The following GSE1 variants were observed in gnomAD, a reference collection of about 807,000 sequenced individuals.
GSE1 encodes the protein Gse1 coiled-coil protein.
Under a neutral mutation model 112.6 loss-of-function variants are expected in GSE1, and 32 were observed. That is an observed-to-expected ratio of 0.28 (90% CI 0.21 to 0.38). The LOEUF (loss-of-function observed/expected upper bound fraction) is 0.38, where lower values mean the gene tolerates loss of function less well. Ranked by LOEUF, GSE1 falls within the 10% of genes least tolerant of loss-of-function variation. The pLI is 1.00. For missense variants in GSE1, 2,348 were observed against 1,699.2 expected, an observed-to-expected ratio of 1.38 and a Z score of -6.71; for synonymous variants, 1,115 against 735.6, an observed-to-expected ratio of 1.52 and a Z score of -8.35.
intron 2 of GSE1, among the ~76,000 whole-genome samples, chr16:85,366,469 A>G (rs1218801827): frequency 6.6e-6 from 1 of 152,236 alleles, no homozygotes; most frequent in African/African-American, 2.4e-5. Context: ...ACTTCTTGTA[A>G]TGCCGGGAGT....
At position 85,419,212 on chromosome 16, in the gene GSE1, A is replaced by T. The variant is rs941299688; in HGVS notation, c.2464+61569A>T. ...AGAGGCTGCCTTAGTCTCTGCAGGG[A>T]CAGCAGTGAGGGTGCCCGGGCCCTG... On this transcript the variant is annotated intron_variant, in intron 2 of 2. Coordinates refer to the GSE1 transcript ENST00000637419. The surrounding 1 kb of genome is among the most constrained non-coding windows in gnomAD (Gnocchi z 6.5). Among the ~76,000 whole-genome samples, 4 of 152,194 alleles carry T rather than the reference A, an allele frequency of 2.6e-5. No individual in the cohort carries two copies. The highest frequency in any genetic ancestry group is 9.7e-5 in the African/African-American group (4 of 41,438).
In GSE1 at chr16:85,548,358, C is replaced by CT. The variant is rs879328118; in HGVS notation, c.2465-85544dup. 1.0e-3 allele frequency among the ~76,000 whole-genome samples: 151 copies of CT among 144,438 alleles called. 1 individual carries two copies. Among genetic ancestry groups the CT allele is most frequent in the African/African-American group, 1.9e-3 (76 of 39,542 alleles). 94.8% of individuals were successfully genotyped at this position (144,438 alleles called of 152,430 possible). On this transcript the variant is annotated intron_variant, in intron 2 of 2. Coordinates refer to the GSE1 transcript ENST00000637419. ...ACTGATCTATAGAACACTAGGTCTTCTTTTTTTTTTTTAAACTAGGTCTTA... is the reference window on the plus strand; with the variant it reads ...ACTGATCTATAGAACACTAGGTCTTCTTTTTTTTTTTTTAAACTAGGTCTTA...
At chr16:85,274,137 G>C (rs559205165) in intron 1 of GSE1, among the ~76,000 whole-genome samples, 1 of 150,280 alleles carries the variant, frequency 6.7e-6, no homozygotes, top group Non-Finnish European at 1.5e-5. Flanking sequence ...TGTAATCCCA[G>C]CACTTCGGGA....
chr16:85,612,953 C>T (rs1174820913), upstream of GSE1, among the ~76,000 whole-genome samples: 1 of 152,178 alleles, frequency 6.6e-6, no homozygotes, highest in Non-Finnish European at 1.5e-5. Context: ...CCACCAAGGT[C>T]CCCGGGACCC....
At chr16:85,266,135 C>A (rs1224713599) in intron 1 of GSE1, among the ~76,000 whole-genome samples, 1 of 152,106 alleles carries the variant, frequency 6.6e-6, no homozygotes, top group Non-Finnish European at 1.5e-5. Context: ...GGGGGAGCGC[C>A]CCACCCCACC....
rs185133056 is a variant in GSE1, at chr16:85,226,649, T to C, written c.2283+54842T>C. Among the ~76,000 whole-genome samples the C allele has an allele frequency of 3.3e-5, 5 of 152,216 alleles. No individual in the cohort carries two copies. The East Asian group carries it at 9.7e-4, about 29-fold the overall frequency. On this transcript the variant is annotated intron_variant, in intron 1 of 2. Transcript: ENST00000637419. ...GTGCTGTTGTGAGGTTTAGATAGAA[T>C]GGAGTCTGCACAGGGGGCTCGGCAT...
chr16:85,397,869 G>T (rs1290771823), intron 2 of GSE1, among the ~76,000 whole-genome samples: 4 of 152,234 alleles, frequency 2.6e-5, no homozygotes, highest in South Asian at 2.1e-4. Flanking sequence ...ATAGAAGGAG[G>T]TGTGAGGCTT....
At chr16:85,591,769 G>A (rs961452154) in intron 1 of GSE1, among the ~76,000 whole-genome samples, 1 of 152,248 alleles carries the variant, frequency 6.6e-6, no homozygotes, top group African/African-American at 2.4e-5. Flanking sequence ...TCCATAAATG[G>A]ACAGCCAGGG....
intron 2 of GSE1, among the ~76,000 whole-genome samples, chr16:85,525,018 C>T (rs956078843): frequency 9.2e-5 from 14 of 152,326 alleles, no homozygotes; most frequent in African/African-American, 2.9e-4. Context: ...TGGGGTGATC[C>T]GGCCGTCTCA....
chr16:85,556,651 G>T (rs1049846265), intron 1 of GSE1, among the ~76,000 whole-genome samples: 41 of 150,918 alleles, frequency 2.7e-4, no homozygotes, highest in African/African-American at 9.9e-4. Flanking sequence ...CTCCGCCGCG[G>T]CGGCGGAGCG....
At chr16:85,524,949 G>C (rs926537211) in intron 2 of GSE1, among the ~76,000 whole-genome samples, 1 of 152,158 alleles carries the variant, frequency 6.6e-6, no homozygotes, top group Non-Finnish European at 1.5e-5. Context: ...GATTAAACAT[G>C]AATGAGTGAG....
At chr16:85,182,381 C>T (rs2074606409) in intron 1 of GSE1, among the ~76,000 whole-genome samples, 1 of 152,220 alleles carries the variant, frequency 6.6e-6, no homozygotes, top group South Asian at 2.1e-4. Flanking sequence ...CTTCAGGTGG[C>T]CTCACGTGTG....
At chr16:85,339,622 AG>A (rs1017998592) in intron 1 of GSE1, among the ~76,000 whole-genome samples, 1 of 12,530 alleles carries the variant, frequency 8.0e-5, no homozygotes, top group East Asian at 2.1e-3. Flanking sequence ...GCGGAGGGGG[AG>A]GGGGGCAGAG....
intron 1 of GSE1, among the ~76,000 whole-genome samples, chr16:85,625,823 C>T (rs551652344): frequency 9.9e-5 from 15 of 152,222 alleles, no homozygotes; most frequent in Middle Eastern, 3.4e-3. Context: ...CGTGGTTGAC[C>T]GGGGCCCTGG....
intron 2 of GSE1, among the ~76,000 whole-genome samples, chr16:85,641,663 T>C (rs770330309): frequency 1.3e-4 from 20 of 152,346 alleles, no homozygotes; most frequent in Middle Eastern, 3.4e-3. Context: ...TTGTCACTTG[T>C]GCGATGGGGA....
intron 2 of GSE1, among the ~76,000 whole-genome samples, chr16:85,459,018 C>T (rs1038633323): frequency 8.5e-5 from 13 of 152,208 alleles, no homozygotes; most frequent in East Asian, 3.9e-4. Context: ...CGCTTTCGCT[C>T]CTGCCACCCT....
At chr16:85,608,747 G>T (rs185726312), upstream of GSE1, among the ~76,000 whole-genome samples, 71 of 152,352 alleles carry the variant, frequency 4.7e-4, no homozygotes, top group African/African-American at 1.7e-3. Flanking sequence ...AGTGACATGC[G>T]CTGAGCAGCG....
intron 2 of GSE1, among the ~76,000 whole-genome samples, chr16:85,418,945 G>A (rs960278849): frequency 6.6e-6 from 1 of 152,198 alleles, no homozygotes. Flanking sequence ...TGGAAGGTTA[G>A]TGTTGCCAGG....
intron 1 of GSE1, among the ~76,000 whole-genome samples, chr16:85,235,978 C>CTGGGCT (rs1904604705): frequency 6.6e-6 from 1 of 151,862 alleles, no homozygotes; most frequent in Admixed American, 6.6e-5. Context: ...GGCGCCGGGC[C>CTGGGCT]TGGGCCTGGG....
Sources: allele counts gnomAD v4.1 joint callset (sites outside exome capture counted in the v4.1 genomes callset), GRCh38; gene constraint gnomAD v4.1.1; non-coding constraint Gnocchi (gnomAD v3.1); transcripts MANE v1.5; gene names NCBI Gene and HGNC (gene_info 2026-07-23, HGNC 2026-07-21).